The following TENM2 variants were observed in gnomAD, a reference collection of about 807,000 sequenced individuals.
TENM2 encodes the protein teneurin-2.
Under a neutral mutation model 245.2 loss-of-function variants are expected in TENM2, and 52 were observed. The ratio of observed to expected loss-of-function variants is 0.21; its 90% CI spans 0.17 to 0.27. The LOEUF (loss-of-function observed/expected upper bound fraction) is 0.27, where lower values mean the gene tolerates loss of function less well. Ranked by LOEUF, TENM2 falls within the 10% of genes least tolerant of loss-of-function variation. TENM2 has a pLI of 1.00. For missense variants in TENM2, 3,046 were observed against 3,666.8 expected, an observed-to-expected ratio of 0.83 and a Z score of 4.37; for synonymous variants, 1,363 against 1,438.9, an observed-to-expected ratio of 0.95 and a Z score of 1.19.
At chr5:167,895,404 G>T (rs894893748) in intron 3 of TENM2, among the ~76,000 whole-genome samples, 1 of 152,150 alleles carries the variant, frequency 6.6e-6, no homozygotes, top group African/African-American at 2.4e-5. Context: ...TTTGGTTCTC[G>T]TCCTTTCATT....
chr5:167,686,559 G>A lies in TENM2; in HGVS notation c.503-189427G>A, dbSNP rs1757090501. ...GTTTACAAAATAGAAAGGCAGGTAG[G>A]GCTCCGCACAAGTGAGGCCTGATGT... is the stretch of plus-strand genomic sequence containing the variant. On this transcript the variant is annotated intron_variant, in intron 2 of 28. Transcript: ENST00000518659. Among the ~76,000 whole-genome samples the A allele has an allele frequency of 2.6e-5, 4 of 152,222 alleles. No individual in the cohort carries two copies. In the South Asian group the frequency reaches 8.3e-4, roughly 32 times the overall value.
chr5:168,003,890 G>A (rs1422211779), intron 5 of TENM2, among the ~76,000 whole-genome samples: 1 of 152,192 alleles, frequency 6.6e-6, no homozygotes, highest in African/African-American at 2.4e-5. Flanking sequence ...TAGTATGAAG[G>A]AGGGCCTCGA....
chr5:167,153,096 CAT>C, the TENM2 span, among the ~76,000 whole-genome samples: 17 of 136,326 alleles, frequency 1.2e-4, no homozygotes, highest in South Asian at 3.7e-3. Context: ...TCAATGAATA[CAT>C]ACACACACAC....
At chr5:167,337,867 T>G (rs1455005551) in intron 1 of TENM2, among the ~76,000 whole-genome samples, 4 of 152,218 alleles carry the variant, frequency 2.6e-5, no homozygotes, top group Non-Finnish European at 5.9e-5. Flanking sequence ...TCTCAATATG[T>G]GTTTTATTAT....
At chr5:167,600,451 A>G (rs569389472) in intron 2 of TENM2, among the ~76,000 whole-genome samples, 3 of 152,294 alleles carry the variant, frequency 2.0e-5, no homozygotes, top group African/African-American at 7.2e-5. Flanking sequence ...GAGTTTTAAC[A>G]TCCCCCATTG....
chr5:167,640,901 A>ATATATC (rs1779563427), intron 2 of TENM2, among the ~76,000 whole-genome samples: 1 of 93,366 alleles, frequency 1.1e-5, no homozygotes, highest in Non-Finnish European at 2.2e-5. Flanking sequence ...ATATATATAT[A>ATATATC]TATATCTTTC....
intron 2 of TENM2, among the ~76,000 whole-genome samples, chr5:167,789,492 G>A (rs572472046): frequency 2.0e-5 from 3 of 152,222 alleles, no homozygotes; most frequent in South Asian, 2.1e-4. Flanking sequence ...TCTCTGGATC[G>A]CCCAGCCAAG....
intron 3 of TENM2, among the ~76,000 whole-genome samples, chr5:167,899,612 C>A (rs1775523398): frequency 6.6e-6 from 1 of 152,072 alleles, no homozygotes; most frequent in Admixed American, 6.5e-5. Flanking sequence ...TTCAGGAAGT[C>A]CAGCTCCCGA....
chr5:167,944,173 G>T (rs1479912605), intron 3 of TENM2, among the ~76,000 whole-genome samples: 1 of 152,130 alleles, frequency 6.6e-6, no homozygotes, highest in Non-Finnish European at 1.5e-5. Flanking sequence ...GGGGCGGGAT[G>T]GTCCCAAATT....
At chr5:168,170,021 G>A (rs567813484) in intron 13 of TENM2, among the ~76,000 whole-genome samples, 1 of 152,288 alleles carries the variant, frequency 6.6e-6, no homozygotes, top group East Asian at 1.9e-4. Flanking sequence ...TCTTCTTTAG[G>A]AGGGAAGCAG....
At chr5:167,494,810 T>C (rs977609727) in intron 2 of TENM2, among the ~76,000 whole-genome samples, 2 of 152,126 alleles carry the variant, frequency 1.3e-5, no homozygotes, top group African/African-American at 4.8e-5. Flanking sequence ...GACTTGAAGT[T>C]GGACTGAACA....
At chr5:167,945,667 T>G (rs1779559550) in intron 3 of TENM2, among the ~76,000 whole-genome samples, 1 of 152,018 alleles carries the variant, frequency 6.6e-6, no homozygotes, top group South Asian at 2.1e-4. Flanking sequence ...TATGCAGTGT[T>G]GATCTGTGCG....
chr5:167,526,296 A>G (rs565328714), intron 2 of TENM2, among the ~76,000 whole-genome samples: 1 of 151,686 alleles, frequency 6.6e-6, no homozygotes, highest in East Asian at 1.9e-4. Context: ...TAATCTTAAG[A>G]TGTGAATGCA....
intron 1 of TENM2, among the ~76,000 whole-genome samples, chr5:167,363,730 C>CAAAAAAAAAAAAAAAAAAAAAAAAA (rs10659741): frequency 4.5e-5 from 4 of 89,300 alleles, no homozygotes; most frequent in African/African-American, 4.5e-5. Flanking sequence ...GACTCCATCT[C>CAAAAAAAAAAAAAAAAAAAAAAAAA]AAAAAAAAAA....
chr5:168,048,139 T>C (rs1405925431), intron 6 of TENM2, among the ~76,000 whole-genome samples: 1 of 149,676 alleles, frequency 6.7e-6, no homozygotes, highest in African/African-American at 2.5e-5. Flanking sequence ...TAGAAATGTT[T>C]ATTGAAGCAA....
intron 5 of TENM2, among the ~76,000 whole-genome samples, chr5:168,022,965 A>AACACCCC (rs1786291426): frequency 6.6e-6 from 1 of 152,046 alleles, no homozygotes; most frequent in Non-Finnish European, 1.5e-5. Flanking sequence ...CAGGCTATTA[A>AACACCCC]ACACCCCACA....
At chr5:168,085,429 T>G (rs556734139) in intron 7 of TENM2, 2 of 152,354 alleles carry the variant, frequency 1.3e-5, no homozygotes, top group East Asian at 3.9e-4. Context: ...TGCTGTTTCC[T>G]GTCCGGAAGC....
intron 2 of TENM2, among the ~76,000 whole-genome samples, chr5:167,673,466 A>G (rs1210907786): frequency 6.6e-6 from 1 of 152,086 alleles, no homozygotes; most frequent in Non-Finnish European, 1.5e-5. Flanking sequence ...ATTTGTCTCT[A>G]CTAAAGCCCT....
In TENM2 at chr5:168,239,047, G is replaced by C. The variant is rs1271558898; in HGVS notation, c.5521-5373G>C. Among the ~76,000 whole-genome samples, 6 of 152,250 alleles carry C rather than the reference G, an allele frequency of 3.9e-5. No homozygotes were observed. The East Asian group carries it at 1.2e-3, about 29-fold the overall frequency. On this transcript the variant is annotated intron_variant, in intron 25 of 28. Transcript: ENST00000518659. ...CTCAAGGTTAATTTAAATATTGCTAGCTGGGTAATTTAATTCAGAATAAGA... is the reference window on the plus strand; with the variant it reads ...CTCAAGGTTAATTTAAATATTGCTACCTGGGTAATTTAATTCAGAATAAGA...
Sources: allele counts gnomAD v4.1 joint callset (sites outside exome capture counted in the v4.1 genomes callset), GRCh38; gene constraint gnomAD v4.1.1; transcripts MANE v1.5; gene names NCBI Gene and HGNC (gene_info 2026-07-23, HGNC 2026-07-21).